TXNRD1: variants seen among roughly 807,000 people sequenced by gnomAD.
The protein encoded by TXNRD1 is thioredoxin reductase 1, cytoplasmic.
TXNRD1 carries 57 observed loss-of-function variants against 80.3 expected under a neutral mutation model. The ratio of observed to expected loss-of-function variants is 0.71; its 90% CI spans 0.57 to 0.89. TXNRD1 has a LOEUF of 0.89. Ranked by LOEUF, TXNRD1 falls within the 40% of genes least tolerant of loss-of-function variation. TXNRD1 has a pLI of 0.00. For synonymous variants in TXNRD1, 291 were observed against 285.2 expected, an observed-to-expected ratio of 1.02 and a Z score of -0.20; for missense variants, 730 against 803.0, an observed-to-expected ratio of 0.91 and a Z score of 1.10.
At chr12:104,298,349 TTA>T (rs1201064801) in intron 4 of TXNRD1, among the ~76,000 whole-genome samples, 2 of 152,228 alleles carry the variant, frequency 1.3e-5, no homozygotes, top group Non-Finnish European at 2.9e-5. Flanking sequence ...TAAAATTTTG[TTA>T]TATGGCAAAT....
chr12:104,345,101 C>T (rs1593889085), intron 16 of TXNRD1, among the ~76,000 whole-genome samples: 1 of 152,046 alleles, frequency 6.6e-6, no homozygotes, highest in South Asian at 2.1e-4. Context: ...AGGCTAGAAA[C>T]GAAGAAGAAA....
At chr12:104,281,625 C>T (rs543535653) in intron 3 of TXNRD1, among the ~76,000 whole-genome samples, 9 of 152,100 alleles carry the variant, frequency 5.9e-5, no homozygotes, top group African/African-American at 1.9e-4. Flanking sequence ...CCAGGCTCAT[C>T]TCAATCTCCT....
At chr12:104,325,295 T>TA in intron 10 of TXNRD1, 42 bp from the exon 11 acceptor site, 1 of 1,492,316 alleles carries the variant, frequency 6.7e-7, no homozygotes, top group Non-Finnish European at 9.3e-7. Flanking sequence ...TCCAACTTGA[T>TA]AAATGTCTTT....
At chr12:104,278,781 G>A (rs1457788345) in intron 3 of TXNRD1, among the ~76,000 whole-genome samples, 19 of 151,930 alleles carry the variant, frequency 1.3e-4, no homozygotes, top group African/African-American at 3.9e-4. Context: ...GATTACAGGC[G>A]TGAGCCACCG....
intron 4 of TXNRD1, among the ~76,000 whole-genome samples, chr12:104,298,125 A>G (rs1216582342): frequency 6.6e-6 from 1 of 152,244 alleles, no homozygotes; most frequent in Non-Finnish European, 1.5e-5. Context: ...ATGCCATCTT[A>G]TTTGAATAAA....
chr12:104,302,766 G>A (rs2034690399), intron 4 of TXNRD1, among the ~76,000 whole-genome samples: 1 of 152,176 alleles, frequency 6.6e-6, no homozygotes. Context: ...TGGGATTGCA[G>A]GCGTGAGCCA....
intron 4 of TXNRD1, among the ~76,000 whole-genome samples, chr12:104,302,043 C>A (rs1341580977): frequency 6.6e-6 from 1 of 152,152 alleles, no homozygotes; most frequent in African/African-American, 2.4e-5. Context: ...GTAAAAACAG[C>A]TATGTTTGGA....
chr12:104,267,097 C>T (rs1483489538), intron 3 of TXNRD1, among the ~76,000 whole-genome samples: 1 of 149,418 alleles, frequency 6.7e-6, no homozygotes, highest in East Asian at 1.9e-4. Flanking sequence ...ACCCGGGAGG[C>T]AGAACTTGCA....
At chr12:104,273,455 T>C (rs1317084683) in intron 3 of TXNRD1, among the ~76,000 whole-genome samples, 1 of 151,940 alleles carries the variant, frequency 6.6e-6, no homozygotes. Flanking sequence ...TAGCCAGGCA[T>C]GGTGGTGCGC....
rs1295769683 is a variant in TXNRD1, at chr12:104,314,764, T to TG, written c.611-1011dup. Among the ~76,000 whole-genome samples the TG allele has an allele frequency of 2.9e-5, 4 of 135,714 alleles. No homozygotes were observed. In the East Asian group the frequency reaches 6.3e-4, roughly 21 times the overall value. 89.0% of individuals were successfully genotyped at this position (135,714 alleles called of 152,430 possible). On this transcript the variant is annotated intron_variant, in intron 6 of 16. Coordinates refer to ENST00000525566, the MANE Select transcript of TXNRD1 (RefSeq NM_001093771.3). ...TTTTTTTTTTTTTTTTTTTTTGAGATGGAGTCTCGCTCTGTCGCCCGGGCT... is the reference window on the plus strand; with the variant it reads ...TTTTTTTTTTTTTTTTTTTTTGAGATGGGAGTCTCGCTCTGTCGCCCGGGCT...
At chr12:104,301,588 C>T (rs1016281846) in intron 4 of TXNRD1, among the ~76,000 whole-genome samples, 12 of 152,242 alleles carry the variant, frequency 7.9e-5, no homozygotes, top group Non-Finnish European at 1.6e-4. Flanking sequence ...CCGCCCGCCT[C>T]AGCCTCCCAA....
intron 2 of TXNRD1, 41 bp downstream of exon 2, chr12:104,251,719 A>G (rs1169706189): frequency 1.9e-6 from 3 of 1,596,102 alleles, no homozygotes; most frequent in Non-Finnish European, 2.6e-6. Context: ...GAATTGAAGG[A>G]ATTTGACAGA....
At chr12:104,236,704 G>A (rs1358705167) in intron 1 of TXNRD1, among the ~76,000 whole-genome samples, 6 of 149,596 alleles carry the variant, frequency 4.0e-5, no homozygotes, top group African/African-American at 1.2e-4. Flanking sequence ...CTGGAGAATC[G>A]CTTGAACCCA....
chr12:104,321,163 G>T lies in TXNRD1; in HGVS notation c.1062G>T (p.Glu354Asp), dbSNP rs1449895009. Reference protein sequence around the residue: ...LVVGASYVALECAGFLAGIGL... With the variant: ...LVVGASYVALDCAGFLAGIGL... ...TTGGAGCATCCTATGTCGCTTTGGA[G>T]TGCGCTGGATTTCTTGCTGGTATTG... Residue 354 changes from glutamate to aspartate, a missense_variant, in exon 10 of 17, where the codon GAG becomes GAT. Physicochemically the swap from Glu to Asp is conservative, Grantham distance 45 (BLOSUM62 2). Coordinates refer to ENST00000525566, the MANE Select transcript of TXNRD1 (RefSeq NM_001093771.3). 6.2e-7 allele frequency: 1 copy of T among 1,613,200 alleles called. No homozygotes were observed. Among genetic ancestry groups the T allele is most frequent in the Non-Finnish European group, 8.5e-7 (1 of 1,179,818 alleles).
At chr12:104,314,799 T>C (rs7300638) in intron 6 of TXNRD1, among the ~76,000 whole-genome samples, 48,627 of 145,690 alleles carry the variant, frequency 0.33, 8,292 homozygotes, top group African/African-American at 0.4. Context: ...TGGAGTGCAG[T>C]GGCGCTATCT....
intron 6 of TXNRD1, among the ~76,000 whole-genome samples, chr12:104,314,623 AG>A (rs1176891559): frequency 6.6e-6 from 1 of 152,054 alleles, no homozygotes. Context: ...CTTTAAGCTT[AG>A]GGATACTAAA....
chr12:104,241,168 T>C (rs1262000450), intron 1 of TXNRD1, among the ~76,000 whole-genome samples: 1 of 151,668 alleles, frequency 6.6e-6, no homozygotes, highest in Non-Finnish European at 1.5e-5. Flanking sequence ...GCCTCCCAAG[T>C]AGCTGGGACT....
At chr12:104,238,317 G>A (rs74990047) in intron 1 of TXNRD1, among the ~76,000 whole-genome samples, 3,044 of 152,248 alleles carry the variant, frequency 0.02, 61 homozygotes, top group Non-Finnish European at 0.027. Flanking sequence ...CATTGACATA[G>A]AGAAAGAATG....
chr12:104,336,439 A>G (rs2135877193), intron 15 of TXNRD1, among the ~76,000 whole-genome samples: 1 of 152,326 alleles, frequency 6.6e-6, no homozygotes, highest in South Asian at 2.1e-4. Flanking sequence ...GTAGAACTTC[A>G]CTATCCCTGG....
Sources: gnomAD v4.1 joint callset for allele counts (sites outside exome capture counted in the v4.1 genomes callset) on GRCh38, gnomAD v4.1.1 for gene constraint, MANE v1.5 for transcripts, NCBI Gene and HGNC (gene_info 2026-07-23, HGNC 2026-07-21) for gene names.